CRIM1: variants seen among roughly 807,000 people sequenced by gnomAD.
CRIM1 encodes cysteine-rich motor neuron 1 protein.
Under a neutral mutation model 116.4 loss-of-function variants are expected in CRIM1, and 32 were observed. The observed-to-expected ratio is 0.27, with a 90% CI of 0.21 to 0.37. CRIM1 has a LOEUF of 0.37. Among genes scored for constraint, CRIM1 ranks in the 10% least tolerant of loss-of-function variants. CRIM1 has a pLI of 1.00. For missense variants in CRIM1, 1,331 were observed against 1,354.8 expected (o/e 0.98, Z 0.28); for synonymous variants, 590 against 509.2 (o/e 1.16, Z -2.13).
chr2:36,445,764 C>T (rs1296515876), intron 4 of CRIM1, among the ~76,000 whole-genome samples: 1 of 151,486 alleles, frequency 6.6e-6, no homozygotes, highest in Non-Finnish European at 1.5e-5. Flanking sequence ...GAATAACAAC[C>T]CAAATAATCA....
At chr2:36,362,405 C>CTG (rs1235912634) in intron 1 of CRIM1, among the ~76,000 whole-genome samples, 1 of 152,138 alleles carries the variant, frequency 6.6e-6, no homozygotes, top group Non-Finnish European at 1.5e-5. Context: ...TCCTTAGAGC[C>CTG]TGTGCAATTG....
At chr2:36,541,832 A>G (rs1488591718) in intron 14 of CRIM1, among the ~76,000 whole-genome samples, 2 of 152,184 alleles carry the variant, frequency 1.3e-5, no homozygotes, top group Admixed American at 1.3e-4. Context: ...AGTAAATACC[A>G]GAAGGGTTAT....
intron 5 of CRIM1, among the ~76,000 whole-genome samples, chr2:36,468,366 T>C (rs1259350848): frequency 6.6e-6 from 1 of 152,194 alleles, no homozygotes; most frequent in Non-Finnish European, 1.5e-5. Flanking sequence ...CCTCCATAAA[T>C]ATTACTTTGT....
At chr2:36,498,716 T>TA (rs1177280294) in intron 7 of CRIM1, among the ~76,000 whole-genome samples, 1 of 152,112 alleles carries the variant, frequency 6.6e-6, no homozygotes, top group African/African-American at 2.4e-5. Context: ...ACATAAAAGA[T>TA]AAAAGAAATC....
chr2:36,433,616 G>T (rs1215049814), intron 2 of CRIM1, among the ~76,000 whole-genome samples: 1 of 152,202 alleles, frequency 6.6e-6, no homozygotes, highest in African/African-American at 2.4e-5. Flanking sequence ...AAGTACTAAT[G>T]CCCAGGCTCC....
intron 1 of CRIM1, among the ~76,000 whole-genome samples, chr2:36,360,661 A>C (rs1669165274): frequency 6.6e-6 from 1 of 152,120 alleles, no homozygotes; most frequent in East Asian, 1.9e-4. Context: ...GCTTGGAAGA[A>C]AATGTATGCG....
At chr2:36,395,699 A>T (rs1440701422) in intron 1 of CRIM1, among the ~76,000 whole-genome samples, 1 of 152,002 alleles carries the variant, frequency 6.6e-6, no homozygotes, top group Non-Finnish European at 1.5e-5. Context: ...CAGCCTTTGT[A>T]TTCAGTTACC....
At chr2:36,369,167 G>C (rs1431486560) in intron 1 of CRIM1, 1 of 152,242 alleles carries the variant, frequency 6.6e-6, no homozygotes, top group African/African-American at 2.4e-5. Flanking sequence ...ATGAGAATCT[G>C]CATGCCAAGG....
intron 1 of CRIM1, among the ~76,000 whole-genome samples, chr2:36,390,985 T>G (rs142105914): frequency 0.018 from 2,673 of 151,104 alleles, 100 homozygotes; most frequent in African/African-American, 0.061. Context: ...AATTTTTGTG[T>G]TTTTTGTAGA....
At position 36,356,317 on chromosome 2, in the gene CRIM1, G is replaced by T; in HGVS notation, c.25G>T (p.Gly9Trp). 1 of 1,570,768 alleles carries T rather than the reference G, an allele frequency of 6.4e-7. No individual in the cohort carries two copies. MYLVAGDRGLAGCGHLLVS... is the reference protein window; with the variant it reads MYLVAGDRWLAGCGHLLVS... ...GATGTACTTGGTGGCGGGGGACAGG[G>T]GGTTGGCCGGCTGCGGGCACCTCCT... Residue 9 changes from glycine (G) to tryptophan (W), a missense_variant, in exon 1 of 17, where the codon GGG becomes TGG. Transcript: ENST00000280527. The surrounding 1 kb of genome is among the most constrained non-coding windows in gnomAD (Gnocchi z 4.3).
At chr2:36,404,717 T>C (rs1006120996) in intron 2 of CRIM1, among the ~76,000 whole-genome samples, 2 of 152,200 alleles carry the variant, frequency 1.3e-5, no homozygotes, top group Non-Finnish European at 2.9e-5. Context: ...ATATTTTGAT[T>C]TTACATTGTA....
intron 2 of CRIM1, among the ~76,000 whole-genome samples, chr2:36,402,871 C>G (rs10186135): frequency 6.6e-6 from 1 of 151,692 alleles, no homozygotes; most frequent in Non-Finnish European, 1.5e-5. Context: ...TAGGAAGGAC[C>G]CAGGAGTTTT....
chr2:36,514,726 G>A (rs747384220), intron 11 of CRIM1, among the ~76,000 whole-genome samples: 5 of 129,544 alleles, frequency 3.9e-5, no homozygotes, highest in Non-Finnish European at 6.8e-5. Context: ...AGGTGTAGCC[G>A]GGAGCCTGAG....
At chr2:36,547,789 C>T (rs1667457068) in intron 16 of CRIM1, among the ~76,000 whole-genome samples, 1 of 151,990 alleles carries the variant, frequency 6.6e-6, no homozygotes, top group African/African-American at 2.4e-5. Context: ...CTAAATCTGC[C>T]TATTTTGAAA....
intron 2 of CRIM1, among the ~76,000 whole-genome samples, chr2:36,423,711 T>C (rs929843017): frequency 6.6e-6 from 1 of 152,220 alleles, no homozygotes. Flanking sequence ...TTGACTGGGT[T>C]CCATGATTTA....
At chr2:36,419,598 C>T (rs1373784988) in intron 2 of CRIM1, among the ~76,000 whole-genome samples, 3 of 152,168 alleles carry the variant, frequency 2.0e-5, no homozygotes, top group Non-Finnish European at 4.4e-5. Flanking sequence ...AGACTGAATG[C>T]ACTGATTTTA....
At chr2:36,413,532 A>G (rs1029586262) in intron 2 of CRIM1, among the ~76,000 whole-genome samples, 1 of 152,202 alleles carries the variant, frequency 6.6e-6, no homozygotes, top group Non-Finnish European at 1.5e-5. Flanking sequence ...GGCAGAGCCT[A>G]ATTGAATGGC....
intron 1 of CRIM1, among the ~76,000 whole-genome samples, chr2:36,388,971 T>C (rs767239785): frequency 5.3e-5 from 8 of 152,234 alleles, no homozygotes; most frequent in Non-Finnish European, 1.0e-4. Flanking sequence ...TTGTTTGTTA[T>C]ACATTTAGAC....
In CRIM1 at chr2:36,382,830, C is replaced by G. The variant is rs570515473; in HGVS notation, c.332-13784C>G. Among the ~76,000 whole-genome samples, 24 of 152,332 alleles carry G rather than the reference C, an allele frequency of 1.6e-4. 1 individual carries two copies. The South Asian group carries it at 1.9e-3, about 12-fold the overall frequency. ...CAAGCACATACACATAAGTTAAAAG[C>G]TGTGCATCTCTGTATATTCTAATCC... On this transcript the variant is annotated intron_variant, in intron 1 of 16. Coordinates refer to ENST00000280527, the MANE Select transcript of CRIM1 (RefSeq NM_016441.3).
Sources: allele counts gnomAD v4.1 joint callset (sites outside exome capture counted in the v4.1 genomes callset), GRCh38; gene constraint gnomAD v4.1.1; non-coding constraint Gnocchi (gnomAD v3.1); transcripts MANE v1.5; gene names NCBI Gene and HGNC (gene_info 2026-07-23, HGNC 2026-07-21).